Variants in ZNF37A observed in about 807,000 individuals in gnomAD.
ZNF37A encodes zinc finger protein 37A, also known as zinc finger protein 37a (KOX 21).
ZNF37A carries 10 observed loss-of-function variants against 12.3 expected under a neutral mutation model. That is an observed-to-expected ratio of 0.82 (90% confidence interval 0.50 to 1.38). The LOEUF (loss-of-function observed/expected upper bound fraction) is 1.38, where lower values mean the gene tolerates loss of function less well. Among genes scored for constraint, ZNF37A ranks in the 40% most tolerant of loss-of-function variants. The pLI is 0.00. For synonymous variants in ZNF37A, 207 were observed against 223.0 expected (o/e 0.93, Z 0.64); for missense variants, 580 against 651.2 (o/e 0.89, Z 1.19).
At position 38,122,940 on chromosome 10, in the gene ZNF37A, A is replaced by T. The variant is rs887885174; in HGVS notation, c.*4103A>T. The T allele has an allele frequency of 1.3e-5, 2 of 152,198 alleles. No individual in the cohort carries two copies. Among genetic ancestry groups the T allele is most frequent in the Non-Finnish European group, 2.9e-5 (2 of 68,036 alleles). 9.4% of individuals were successfully genotyped at this position (152,198 alleles called of 1,614,324 possible). A position where few individuals can be genotyped will look rare whatever the true frequency, so the allele number is the denominator to read the frequency against. On this transcript the variant is annotated 3_prime_UTR_variant, in exon 8 of 8. Coordinates refer to ENST00000685332, the MANE Select transcript of ZNF37A (RefSeq NM_001324250.3). The stretch of plus-strand genomic sequence containing the variant: ...ATCCATCTGTATTAGGCCATTTTTG[A>T]AGTACTACAAAGAAATACTTGAGAC...
intron 5 of ZNF37A, 49 bp from the exon 6 acceptor site, chr10:38,114,706 G>A (rs371950324): frequency 5.2e-5 from 84 of 1,611,186 alleles, no homozygotes; most frequent in African/African-American, 4.6e-4. Flanking sequence ...CTTTTTTCAC[G>A]TCAACTGATT....
chr10:38,114,634 C>A (rs2069090955), intron 5 of ZNF37A, 121 bp from the exon 6 acceptor site: 1 of 1,304,364 alleles, frequency 7.7e-7, no homozygotes, highest in East Asian at 2.3e-5. Context: ...CATAGGGGCC[C>A]TTTATAACAG....
In ZNF37A at chr10:38,139,608, T is replaced by A. The variant is rs540250158; in HGVS notation, c.239-7124T>A. The A allele has an allele frequency of 1.4e-4, 21 of 152,330 alleles. 2 individuals carry two copies. The highest frequency in any genetic ancestry group is 4.8e-4 in the African/African-American group (20 of 41,546). 9.4% of individuals were successfully genotyped at this position (152,330 alleles called of 1,614,324 possible). The stretch of plus-strand genomic sequence containing the variant: ...GTCTGGATCTCTTGACCTCATGATC[T>A]GCCCACCTCGGCCTCCCAAAATGCT... On this transcript the variant is annotated intron_variant, in intron 7 of 7. Transcript: ENST00000638053.
intron 5 of ZNF37A, among the ~76,000 whole-genome samples, chr10:38,110,657 A>G (rs2068565641): frequency 6.6e-6 from 1 of 152,202 alleles, no homozygotes; most frequent in Non-Finnish European, 1.5e-5. Context: ...CAACCCCATC[A>G]AAAAGTGGGT....
At chr10:38,102,343 A>G (rs2067661680) in intron 5 of ZNF37A, among the ~76,000 whole-genome samples, 1 of 151,772 alleles carries the variant, frequency 6.6e-6, no homozygotes, top group Non-Finnish European at 1.5e-5. Flanking sequence ...TTCATTATTT[A>G]CCTAGTGTTA....
chr10:38,117,582 A>G lies in ZNF37A; in HGVS notation c.431A>G (p.Gln144Arg), dbSNP rs760893322. 6.2e-7 allele frequency: 1 copy of G among 1,613,388 alleles called. No homozygotes were observed. Among genetic ancestry groups the G allele is most frequent in the Non-Finnish European group, 8.5e-7 (1 of 1,179,880 alleles). The change falls in exon 8 of 8, where the codon CAA (glutamine) becomes CGA (arginine). Residue 144 changes from glutamine to arginine, a missense_variant. Physicochemically the swap from Gln to Arg is conservative, Grantham distance 43. Transcript: ENST00000685332. ...CATCAGAAAATTAAAAATTGGGAAC[A>G]ATCTTTTGAATACAATGAATGTGGG... ...IWHQKIKNWE[Q>R]SFEYNECGKA...
intron 7 of ZNF37A, among the ~76,000 whole-genome samples, chr10:38,133,167 G>A (rs1341137239): frequency 6.6e-6 from 1 of 152,036 alleles, no homozygotes; most frequent in Non-Finnish European, 1.5e-5. Flanking sequence ...CATACAGAAA[G>A]TCTCCTGTAG....
At chr10:38,099,713 A>C (rs2067411470) in intron 5 of ZNF37A, among the ~76,000 whole-genome samples, 1 of 152,236 alleles carries the variant, frequency 6.6e-6, no homozygotes, top group African/African-American at 2.4e-5. Context: ...TACAGAAGGT[A>C]CACCATTTTT....
At chr10:38,146,141 C>A (rs2070250470) in intron 7 of ZNF37A, among the ~76,000 whole-genome samples, 1 of 152,144 alleles carries the variant, frequency 6.6e-6, no homozygotes, top group South Asian at 2.1e-4. Context: ...AGATACTTTT[C>A]TTTCATTGAA....
intron 5 of ZNF37A, among the ~76,000 whole-genome samples, chr10:38,112,782 T>C (rs1564932405): frequency 0.022 from 3,007 of 139,250 alleles, 373 homozygotes; most frequent in Middle Eastern, 0.031. Flanking sequence ...TTTCTTTTCT[T>C]TTCTTTTCTT....
At chr10:38,143,348 G>A (rs2070210187) in intron 7 of ZNF37A, 1 of 152,228 alleles carries the variant, frequency 6.6e-6, no homozygotes, top group African/African-American at 2.4e-5. Flanking sequence ...ATATTTAAGG[G>A]CTATACCAAG....
Position 38,124,572 on chromosome 10 carries a change from C to A in ZNF37A, c.*5735C>A, listed in dbSNP as rs1462782634. ...ATCATGTACCCCATAGATATATACA[C>A]CTAGTATGTACCCACAAAAATTAAA... On this transcript the variant is annotated 3_prime_UTR_variant, in exon 8 of 8. Coordinates refer to ENST00000685332, the MANE Select transcript of ZNF37A (RefSeq NM_001324250.3). 1 of 152,036 alleles carries A rather than the reference C, an allele frequency of 6.6e-6. No individual in the cohort carries two copies. The highest frequency in any genetic ancestry group is 1.5e-5 in the Non-Finnish European group (1 of 68,008). 9.4% of individuals were successfully genotyped at this position (152,036 alleles called of 1,614,324 possible). A position where few individuals can be genotyped will look rare whatever the true frequency, so the allele number is the denominator to read the frequency against.
chr10:38,125,201 T>C (rs2069906725), downstream of ZNF37A: 1 of 152,194 alleles, frequency 6.6e-6, no homozygotes, highest in South Asian at 2.1e-4. Context: ...CTTTAAACTT[T>C]GATAAATTAG....
At chr10:38,106,352 C>A (rs1276759573) in intron 5 of ZNF37A, among the ~76,000 whole-genome samples, 2 of 152,050 alleles carry the variant, frequency 1.3e-5, no homozygotes, top group South Asian at 2.1e-4. Context: ...TCACCAACAT[C>A]AAACACCAAA....
chr10:38,145,202 A>G (rs1271866321), intron 7 of ZNF37A, among the ~76,000 whole-genome samples: 1 of 125,338 alleles, frequency 8.0e-6, no homozygotes, highest in African/African-American at 3.0e-5. Context: ...AACAACAATA[A>G]AAGCGGATCC....
At position 38,122,770 on chromosome 10, in the gene ZNF37A, G is replaced by A; in HGVS notation, c.*3933G>A. On this transcript the variant is annotated 3_prime_UTR_variant, in exon 8 of 8. Transcript: ENST00000685332. ...TCTCCAGGACATTGGAGTGGGCAAA[G>A]ATTTCTTGTGTAATACCTGACAAAC... The A allele has an allele frequency of 6.6e-6, 1 of 152,196 alleles. No homozygotes were observed. Among genetic ancestry groups the A allele is most frequent in the South Asian group, 2.1e-4 (1 of 4,824 alleles). 9.4% of individuals were successfully genotyped at this position (152,196 alleles called of 1,614,324 possible). A position where few individuals can be genotyped will look rare whatever the true frequency, so the allele number is the denominator to read the frequency against.
exon 8 of ZNF37A, chr10:38,148,331 G>A (rs1485070669): frequency 6.6e-6 from 1 of 152,220 alleles, no homozygotes; most frequent in Non-Finnish European, 1.5e-5. Context: ...TTGTAGGAGA[G>A]TCATCAACTA....
intron 7 of ZNF37A, chr10:38,142,183 C>T (rs984502961): frequency 6.6e-6 from 1 of 152,156 alleles, no homozygotes; most frequent in African/African-American, 2.4e-5. Context: ...AGTTCTGGCA[C>T]CATTGTCATA....
At chr10:38,102,564 A>G (rs906917865) in intron 5 of ZNF37A, among the ~76,000 whole-genome samples, 4 of 152,218 alleles carry the variant, frequency 2.6e-5, no homozygotes, top group African/African-American at 4.8e-5. Context: ...TTTAAATCAC[A>G]TAAAAAAAAG....
Sources: allele counts gnomAD v4.1 joint callset (sites outside exome capture counted in the v4.1 genomes callset), GRCh38; gene constraint gnomAD v4.1.1; transcripts MANE v1.5; gene names NCBI Gene and HGNC (gene_info 2026-07-23, HGNC 2026-07-21).